Variants in MAGI2 observed in about 807,000 individuals in gnomAD.
The protein encoded by MAGI2 is membrane associated guanylate kinase, WW and PDZ domain containing 2.
A neutral mutation model predicts 133.3 loss-of-function variants in MAGI2; 35 were observed. That is an observed-to-expected ratio of 0.26 (90% CI 0.20 to 0.35). The LOEUF (loss-of-function observed/expected upper bound fraction) is 0.35. Ranked by LOEUF, MAGI2 falls within the 10% of genes least tolerant of loss-of-function variation. The probability of loss-of-function intolerance (pLI) is 1.00; values close to 1 mark genes in which losing one functional copy is unlikely to be tolerated. For synonymous variants in MAGI2, 729 were observed against 710.6 expected (o/e 1.03, Z -0.41); for missense variants, 1,636 against 1,863.4 (o/e 0.88, Z 2.25).
At chr7:78,655,454 C>CAAAAAAAAAAAAAAAAAAAAAAACAAA in intron 2 of MAGI2, among the ~76,000 whole-genome samples, 19 of 64,936 alleles carry the variant, frequency 2.9e-4, no homozygotes, top group Admixed American at 3.7e-4. Context: ...AAAAAACAAC[C>CAAAAAAAAAAAAAAAAAAAAAAACAAA]AAAAAAAAAA....
chr7:78,938,885 A>G (rs1800753564), intron 2 of MAGI2, among the ~76,000 whole-genome samples: 1 of 152,216 alleles, frequency 6.6e-6, no homozygotes, highest in African/African-American at 2.4e-5. Context: ...TAACAAGAAT[A>G]TAAACAGAAG....
intron 21 of MAGI2, among the ~76,000 whole-genome samples, chr7:78,066,119 C>G (rs1487272057): frequency 1.3e-5 from 2 of 152,078 alleles, no homozygotes; most frequent in East Asian, 3.9e-4. Context: ...CTCTAATAAT[C>G]TCATAAATTC....
intron 2 of MAGI2, among the ~76,000 whole-genome samples, chr7:78,865,251 A>C (rs894324709): frequency 1.3e-5 from 2 of 152,300 alleles, no homozygotes; most frequent in Non-Finnish European, 2.9e-5. Flanking sequence ...ACAGAGTAGA[A>C]GAAAAGGACA....
At chr7:79,071,983 T>C (rs931274190) in intron 1 of MAGI2, among the ~76,000 whole-genome samples, 3 of 152,192 alleles carry the variant, frequency 2.0e-5, no homozygotes, top group Non-Finnish European at 4.4e-5. Flanking sequence ...GTGCAGTATC[T>C]GGGCTAGAGT....
intron 1 of MAGI2, among the ~76,000 whole-genome samples, chr7:79,090,047 A>T (rs1216710561): frequency 6.6e-6 from 1 of 152,052 alleles, no homozygotes; most frequent in Non-Finnish European, 1.5e-5. Context: ...TAAAAAATAG[A>T]AGATTTTTAT....
At chr7:78,318,791 C>A (rs111886976) in intron 9 of MAGI2, among the ~76,000 whole-genome samples, 34,030 of 152,070 alleles carry the variant, frequency 0.22, 5,044 homozygotes, top group African/African-American at 0.4. Flanking sequence ...ACCCTACAAG[C>A]CAGAAGTGAA....
At chr7:78,968,069 G>C (rs1047235227) in intron 2 of MAGI2, among the ~76,000 whole-genome samples, 1 of 152,112 alleles carries the variant, frequency 6.6e-6, no homozygotes, top group Non-Finnish European at 1.5e-5. Flanking sequence ...GAGCTCAAGT[G>C]ATCCTCCTGC....
intron 2 of MAGI2, among the ~76,000 whole-genome samples, chr7:78,889,010 T>A (rs555362322): frequency 6.6e-6 from 1 of 152,054 alleles, no homozygotes; most frequent in African/African-American, 2.4e-5. Flanking sequence ...CTAACTAGAA[T>A]AATCAATGCA....
intron 2 of MAGI2, among the ~76,000 whole-genome samples, chr7:78,954,937 A>T (rs895606875): frequency 6.6e-6 from 1 of 152,184 alleles, no homozygotes; most frequent in Non-Finnish European, 1.5e-5. Context: ...TACACAGTAC[A>T]GTCTATTATA....
chr7:78,547,454 A>C (rs184742309), intron 3 of MAGI2, among the ~76,000 whole-genome samples: 11 of 152,342 alleles, frequency 7.2e-5, no homozygotes, highest in African/African-American at 2.6e-4. Context: ...TATTGGTATG[A>C]TTGTTCTAGA....
chr7:78,931,768 T>C (rs1341338503), intron 2 of MAGI2, among the ~76,000 whole-genome samples: 1 of 152,100 alleles, frequency 6.6e-6, no homozygotes, highest in Non-Finnish European at 1.5e-5. Flanking sequence ...AATTATTATA[T>C]CATAGCAACA....
intron 1 of MAGI2, among the ~76,000 whole-genome samples, chr7:79,175,621 A>G (rs1362258421): frequency 1.3e-5 from 2 of 152,026 alleles, no homozygotes; most frequent in Non-Finnish European, 2.9e-5. Flanking sequence ...GTATACTTAC[A>G]TAGAGCGTAC....
intron 2 of MAGI2, among the ~76,000 whole-genome samples, chr7:78,817,297 T>C (rs1182030935): frequency 6.6e-6 from 1 of 152,230 alleles, no homozygotes; most frequent in Non-Finnish European, 1.5e-5. Flanking sequence ...CTGTCAACAT[T>C]ATTTATATGA....
intron 1 of MAGI2, among the ~76,000 whole-genome samples, chr7:79,347,067 T>TCC (rs1446160002): frequency 6.6e-6 from 1 of 151,960 alleles, no homozygotes; most frequent in Non-Finnish European, 1.5e-5. Flanking sequence ...GCAACAATCC[T>TCC]CACCTTTTTT....
At chr7:78,124,641 A>G (rs536155665) in intron 20 of MAGI2, among the ~76,000 whole-genome samples, 31 of 152,208 alleles carry the variant, frequency 2.0e-4, no homozygotes, top group African/African-American at 7.5e-4. Context: ...AAGAGGCAGG[A>G]GGGAGGGCAA....
chr7:79,411,792 T>C (rs1846160669), intron 1 of MAGI2: 1 of 152,066 alleles, frequency 6.6e-6, no homozygotes, highest in Non-Finnish European at 1.5e-5. Flanking sequence ...TTTATTCCCA[T>C]AACCATTTTT....
chr7:78,294,283 G>GA (rs1202204349), intron 9 of MAGI2, among the ~76,000 whole-genome samples: 1 of 152,090 alleles, frequency 6.6e-6, no homozygotes, highest in Non-Finnish European at 1.5e-5. Context: ...AATTTTAGGA[G>GA]AAATAATCTG....
chr7:78,648,994 T>C (rs929207735), intron 2 of MAGI2, among the ~76,000 whole-genome samples: 1 of 151,956 alleles, frequency 6.6e-6, no homozygotes, highest in African/African-American at 2.4e-5. Context: ...CCCATACCCT[T>C]AGCCATTTCA....
chr7:78,545,045 C>T (rs1041777289), intron 3 of MAGI2, among the ~76,000 whole-genome samples: 2 of 151,238 alleles, frequency 1.3e-5, no homozygotes, highest in Non-Finnish European at 2.9e-5. Flanking sequence ...TTCATTGTCT[C>T]GGCATCCCTA....
Sources: gnomAD v4.1 joint callset for allele counts (sites outside exome capture counted in the v4.1 genomes callset) on GRCh38, gnomAD v4.1.1 for gene constraint, MANE v1.5 for transcripts, NCBI Gene and HGNC (gene_info 2026-07-23, HGNC 2026-07-21) for gene names.